Variants in PPIL6 observed in about 807,000 individuals in gnomAD.
The protein encoded by PPIL6 is peptidylprolyl isomerase like 6.
A neutral mutation model predicts 36.8 loss-of-function variants in PPIL6; 39 were observed. The ratio of observed to expected loss-of-function variants is 1.06; its 90% CI spans 0.82 to 1.38. The LOEUF is 1.38. PPIL6 is among the 40% of genes most tolerant of loss of function. The probability of loss-of-function intolerance (pLI) is 0.00; values close to 1 mark genes in which losing one functional copy is unlikely to be tolerated. For synonymous variants in PPIL6, 123 were observed against 134.1 expected, an observed-to-expected ratio of 0.92 and a Z score of 0.57; for missense variants, 368 against 379.1, an observed-to-expected ratio of 0.97 and a Z score of 0.24.
At chr6:109,411,351 G>T (rs941599922) in intron 6 of PPIL6, among the ~76,000 whole-genome samples, 1 of 152,182 alleles carries the variant, frequency 6.6e-6, no homozygotes, top group African/African-American at 2.4e-5. Context: ...GAATTCAAGA[G>T]TCCTTAGGCT....
chr6:109,431,568 A>T (rs1170508858), intron 2 of PPIL6, among the ~76,000 whole-genome samples: 2 of 152,342 alleles, frequency 1.3e-5, no homozygotes, highest in East Asian at 1.9e-4. Context: ...AGAATGATCT[A>T]AAAAGTATCA....
intron 5 of PPIL6, among the ~76,000 whole-genome samples, chr6:109,420,332 C>CAAAAAAAAAAAAAAAAAA (rs564751735): frequency 3.9e-4 from 20 of 50,958 alleles, no homozygotes; most frequent in East Asian, 5.6e-4. Flanking sequence ...GACTCCATCT[C>CAAAAAAAAAAAAAAAAAA]AAAAAAAAAA....
chr6:109,424,542 C>T (rs1773719554), intron 5 of PPIL6, among the ~76,000 whole-genome samples: 1 of 152,154 alleles, frequency 6.6e-6, no homozygotes, highest in Admixed American at 6.6e-5. Flanking sequence ...GCACGTGAAC[C>T]ACAGCAACTT....
intron 1 of PPIL6, 196 bp downstream of exon 1, chr6:109,440,260 G>T (rs1475186279): frequency 5.6e-6 from 4 of 711,452 alleles, no homozygotes; most frequent in African/African-American, 3.6e-5. Flanking sequence ...GCCCGCCCCC[G>T]GACCCGCACT....
chr6:109,435,817 T>C lies in PPIL6; in HGVS notation c.231+287A>G, dbSNP rs531304282. The stretch of plus-strand genomic sequence containing the variant: ...GCGTGTGCCTGTAATCCCAGCTACT[T>C]GCGGGGCTGAGGTAGGAGGACTGCT... On this transcript the variant is annotated intron_variant, in intron 2 of 7. Transcript: ENST00000521072. Among the ~76,000 whole-genome samples the C allele has an allele frequency of 3.3e-4, 50 of 152,066 alleles. 1 individual carries two copies. Among genetic ancestry groups the C allele is most frequent in the African/African-American group, 8.9e-4 (37 of 41,518 alleles).
chr6:109,415,797 C>T (rs1773223843), intron 6 of PPIL6, among the ~76,000 whole-genome samples: 1 of 152,104 alleles, frequency 6.6e-6, no homozygotes, highest in African/African-American at 2.4e-5. Flanking sequence ...CCTTAAAGGT[C>T]CTTATGACCC....
chr6:109,441,047 G>A, upstream of PPIL6: 3 of 1,501,606 alleles, frequency 2.0e-6, no homozygotes, highest in Admixed American at 1.7e-5. Flanking sequence ...AGAAGGCGCC[G>A]CCGGCCGCCC....
chr6:109,397,485 T>C (rs1772348172), intron 7 of PPIL6, among the ~76,000 whole-genome samples: 1 of 152,236 alleles, frequency 6.6e-6, no homozygotes, highest in African/African-American at 2.4e-5. Flanking sequence ...TATTTGACCT[T>C]GTTTTCATAA....
chr6:109,436,748 A>C (rs1774470842), intron 1 of PPIL6, among the ~76,000 whole-genome samples: 1 of 152,100 alleles, frequency 6.6e-6, no homozygotes, highest in Non-Finnish European at 1.5e-5. Flanking sequence ...AAAACAAAAC[A>C]AAACAAAAAA....
chr6:109,440,250 G>C, intron 1 of PPIL6: 2 of 674,282 alleles, frequency 3.0e-6, no homozygotes, highest in South Asian at 3.0e-5. Flanking sequence ...CAAGTGGAAC[G>C]CCCGCCCCCG....
chr6:109,400,233 T>C, intron 6 of PPIL6, 63 bp from the exon 7 acceptor site: 4 of 1,398,556 alleles, frequency 2.9e-6, no homozygotes, highest in South Asian at 2.6e-5. Flanking sequence ...TATTGTAACA[T>C]ATAAGGAACA....
At position 109,405,073 on chromosome 6, in the gene PPIL6, T is replaced by C. The variant is rs770628220; in HGVS notation, c.689-4903A>G. On this transcript the variant is annotated intron_variant, in intron 6 of 7. Coordinates refer to ENST00000521072, the MANE Select transcript of PPIL6 (RefSeq NM_173672.5). ...TCTCAAAAAAGGAAAAAAAAAAAGA[T>C]ATCTTTTCATAACCTTTTCATTTTA... 78 of 393,788 alleles carry C rather than the reference T, an allele frequency of 2.0e-4. No individual in the cohort carries two copies. In the Middle Eastern group the frequency reaches 8.7e-3, roughly 44 times the overall value. The allele number at this position is 393,788 out of a possible 1,614,324, so 24.4% of individuals were successfully genotyped here.
At position 109,392,041 on chromosome 6, in the gene PPIL6, T is replaced by G. The variant is rs935221640; in HGVS notation, c.*785A>C. Reference sequence around the variant, plus strand: ...ATTTTTTGTCCACAAGTAACAAAATTCTCAACCAACAGTAACATAAACAAC... The same window carrying G: ...ATTTTTTGTCCACAAGTAACAAAATGCTCAACCAACAGTAACATAAACAAC... On this transcript the variant is annotated 3_prime_UTR_variant, in exon 8 of 8. Coordinates refer to ENST00000521072, the MANE Select transcript of PPIL6 (RefSeq NM_173672.5). 1 of 152,180 alleles carries G rather than the reference T, an allele frequency of 6.6e-6. No individual in the cohort carries two copies. The highest frequency in any genetic ancestry group is 2.4e-5 in the African/African-American group (1 of 41,444). 9.4% of individuals were successfully genotyped at this position (152,180 alleles called of 1,614,324 possible).
chr6:109,393,878 T>G (rs1355138927), intron 7 of PPIL6, among the ~76,000 whole-genome samples: 1 of 152,208 alleles, frequency 6.6e-6, no homozygotes, highest in African/African-American at 2.4e-5. Context: ...TTGCTTATAT[T>G]AAGTTCTCTG....
intron 7 of PPIL6, among the ~76,000 whole-genome samples, chr6:109,393,988 G>C (rs1258270647): frequency 6.6e-6 from 1 of 152,198 alleles, no homozygotes; most frequent in African/African-American, 2.4e-5. Context: ...GATCATGCTT[G>C]TGCTCAGGCT....
chr6:109,426,302 C>A (rs1773810670), intron 5 of PPIL6, among the ~76,000 whole-genome samples: 1 of 152,200 alleles, frequency 6.6e-6, no homozygotes, highest in African/African-American at 2.4e-5. Flanking sequence ...ATGGACTATC[C>A]CCCAAAAGGC....
At chr6:109,416,298 G>C (rs1365382173) in intron 6 of PPIL6, among the ~76,000 whole-genome samples, 1 of 148,684 alleles carries the variant, frequency 6.7e-6, no homozygotes, top group African/African-American at 2.5e-5. Context: ...TGCCTCCCGA[G>C]TTCAAGTGAT....
chr6:109,436,727 CAAAAAACA>C (rs1252240315), intron 1 of PPIL6, among the ~76,000 whole-genome samples: 2 of 151,674 alleles, frequency 1.3e-5, no homozygotes, highest in Non-Finnish European at 2.9e-5. Flanking sequence ...TTTCAAAAAA[CAAAAAACA>C]AAAAAACAAA....
intron 6 of PPIL6, among the ~76,000 whole-genome samples, chr6:109,406,617 T>C (rs1369236469): frequency 2.0e-5 from 3 of 152,184 alleles, no homozygotes; most frequent in Admixed American, 2.0e-4. Context: ...CATTTATCAG[T>C]GGCAATACTT....
Sources: gnomAD v4.1 joint callset for allele counts (sites outside exome capture counted in the v4.1 genomes callset) on GRCh38, gnomAD v4.1.1 for gene constraint, MANE v1.5 for transcripts, NCBI Gene and HGNC (gene_info 2026-07-23, HGNC 2026-07-21) for gene names.